The following SIK3 variants were observed in gnomAD, a reference collection of about 807,000 sequenced individuals.
SIK3 encodes the protein SIK family kinase 3.
In SIK3, 28 loss-of-function variants were observed where a neutral mutation model predicts 144.2. That is an observed-to-expected ratio of 0.19 (90% confidence interval 0.14 to 0.27). The LOEUF (loss-of-function observed/expected upper bound fraction) is 0.27. Among genes scored for constraint, SIK3 ranks in the 10% least tolerant of loss-of-function variants. The probability of loss-of-function intolerance (pLI) is 1.00; values close to 1 mark genes in which losing one functional copy is unlikely to be tolerated. For synonymous variants in SIK3, 686 were observed against 676.3 expected (o/e 1.01, Z -0.22); for missense variants, 1,319 against 1,776.0 (o/e 0.74, Z 4.62).
At chr11:116,974,036 T>C (rs946528564) in intron 1 of SIK3, among the ~76,000 whole-genome samples, 8 of 152,202 alleles carry the variant, frequency 5.3e-5, no homozygotes, top group African/African-American at 1.9e-4. Context: ...TGTACTAATA[T>C]TGGTCCATTA....
At chr11:117,024,255 T>C (rs959361273) in intron 1 of SIK3, among the ~76,000 whole-genome samples, 1 of 151,662 alleles carries the variant, frequency 6.6e-6, no homozygotes, top group African/African-American at 2.4e-5. Context: ...CTTTTGTCAG[T>C]TGATTTTCAG....
At chr11:117,083,499 T>C (rs971134144) in intron 1 of SIK3, among the ~76,000 whole-genome samples, 4 of 152,120 alleles carry the variant, frequency 2.6e-5, no homozygotes, top group Admixed American at 2.6e-4. Context: ...TTGACTAGAA[T>C]AACAATATCC....
chr11:117,083,333 G>A lies in SIK3; in HGVS notation c.273+14810C>T, dbSNP rs146172741. ...AAGTTATTTTATTCCTGAGAACTGT[G>A]AAATCCTTTAAAGAGATCCTAAAGT... On this transcript the variant is annotated intron_variant, in intron 1 of 24. Transcript: ENST00000445177. Among the ~76,000 whole-genome samples, 325 of 152,256 alleles carry A rather than the reference G, an allele frequency of 2.1e-3. 3 individuals carry two copies. Among genetic ancestry groups the A allele is most frequent in the African/African-American group, 7.3e-3 (303 of 41,542 alleles).
chr11:116,896,195 C>T, intron 6 of SIK3, 58 bp downstream of exon 6: 1 of 1,594,394 alleles, frequency 6.3e-7, no homozygotes, highest in South Asian at 1.1e-5. Context: ...CCTGGGATAA[C>T]TGAGTGGGTC....
At chr11:116,978,270 C>A (rs1950023659) in intron 1 of SIK3, among the ~76,000 whole-genome samples, 1 of 152,018 alleles carries the variant, frequency 6.6e-6, no homozygotes, top group African/African-American at 2.4e-5. Context: ...AAAAGAATCA[C>A]CTCAGGGTTC....
intron 1 of SIK3, among the ~76,000 whole-genome samples, chr11:116,960,761 G>A (rs1949314217): frequency 6.6e-6 from 1 of 152,036 alleles, no homozygotes; most frequent in African/African-American, 2.4e-5. Flanking sequence ...GCTAATACAT[G>A]CAACCTGATT....
At chr11:116,945,109 G>A (rs868473756) in intron 3 of SIK3, among the ~76,000 whole-genome samples, 1 of 151,956 alleles carries the variant, frequency 6.6e-6, no homozygotes, top group African/African-American at 2.4e-5. Context: ...ACAGGCGTCC[G>A]CCACCACACC....
Position 117,013,726 on chromosome 11 carries a change from C to T in SIK3, c.274-56662G>A, listed in dbSNP as rs372914098. On this transcript the variant is annotated intron_variant, in intron 1 of 24. Coordinates refer to ENST00000445177, the MANE Select transcript of SIK3 (RefSeq NM_001366686.3). ...AAAAAAATGCTTCCAGTGCTATCTA[C>T]TCAGACCCCTTATCAATCTGAGGAA... Among the ~76,000 whole-genome samples, 226 of 151,626 alleles carry T rather than the reference C, an allele frequency of 1.5e-3. 1 individual carries two copies. Among genetic ancestry groups the T allele is most frequent in the African/African-American group, 5.2e-3 (217 of 41,364 alleles).
At chr11:117,012,849 C>CCT in intron 1 of SIK3, among the ~76,000 whole-genome samples, 1 of 96,104 alleles carries the variant, frequency 1.0e-5, no homozygotes, top group African/African-American at 4.2e-5. Flanking sequence ...GCCATTACTG[C>CCT]TTTTTTTTTT....
chr11:116,886,025 C>T (rs567063785), intron 6 of SIK3, among the ~76,000 whole-genome samples: 1 of 152,240 alleles, frequency 6.6e-6, no homozygotes, highest in East Asian at 1.9e-4. Flanking sequence ...TTGGAATGTC[C>T]TTCTTTTATT....
chr11:116,928,854 C>T (rs754579345), intron 3 of SIK3, among the ~76,000 whole-genome samples: 4 of 152,182 alleles, frequency 2.6e-5, no homozygotes, highest in Admixed American at 1.3e-4. Flanking sequence ...TTGTTCGCCA[C>T]ACACAAGGCT....
chr11:116,948,644 CTTCTCTTT>C (rs1268949667), intron 3 of SIK3, among the ~76,000 whole-genome samples: 1 of 152,066 alleles, frequency 6.6e-6, no homozygotes, highest in Non-Finnish European at 1.5e-5. Context: ...TCATTTCAGT[CTTCTCTTT>C]TTCTCTTCTC....
At chr11:117,036,327 G>A (rs3181) in intron 1 of SIK3, among the ~76,000 whole-genome samples, 48,008 of 151,906 alleles carry the variant, frequency 0.32, 8,654 homozygotes, top group African/African-American at 0.5. Context: ...GGCAGCTAAT[G>A]GGCTCATACA....
At chr11:116,994,999 T>C (rs562281708) in intron 1 of SIK3, among the ~76,000 whole-genome samples, 2 of 152,086 alleles carry the variant, frequency 1.3e-5, no homozygotes, top group African/African-American at 4.8e-5. Flanking sequence ...CCGGGCATGG[T>C]GGCTCACGCC....
intron 3 of SIK3, among the ~76,000 whole-genome samples, chr11:116,939,909 A>G (rs1948192676): frequency 6.6e-6 from 1 of 152,232 alleles, no homozygotes. Flanking sequence ...GACATTTTTC[A>G]ACTCAATGGA....
At chr11:117,098,034 A>C in intron 1 of SIK3, 109 bp downstream of exon 1, 1 of 1,132,348 alleles carries the variant, frequency 8.8e-7, no homozygotes, top group Non-Finnish European at 1.1e-6. Context: ...CCCGGCCCCC[A>C]ACGCTCCCAC....
At position 116,858,546 on chromosome 11, in the gene SIK3, A is replaced by G; in HGVS notation, c.2919T>C (p.Leu973=). 1 of 1,613,600 alleles carries G rather than the reference A, an allele frequency of 6.2e-7. No homozygotes were observed. Among genetic ancestry groups the G allele is most frequent in the Non-Finnish European group, 8.5e-7 (1 of 1,179,854 alleles). The change falls in exon 21 of 25, where the codon CTT becomes CTC. Residue 973 remains leucine, a synonymous_variant. Coordinates refer to ENST00000445177, the MANE Select transcript of SIK3 (RefSeq NM_001366686.3). The surrounding 1 kb of genome is among the most constrained non-coding windows in gnomAD (Gnocchi z 5.4). ...SPTQALKVPP[L]DQFPTFPPSA... is the part of the protein sequence containing the mutation. ...TGGGAGGGAAGGTGGGGAATTGGTC[A>G]AGTGGAGGGACTTTCAGGGCTTGGG... is the stretch of plus-strand genomic sequence containing the variant.
chr11:116,866,234 A>G (rs1943627910), intron 15 of SIK3, among the ~76,000 whole-genome samples: 1 of 152,172 alleles, frequency 6.6e-6, no homozygotes. Flanking sequence ...TTCAACAAGG[A>G]TACCTAAAGG....
intron 1 of SIK3, among the ~76,000 whole-genome samples, chr11:117,085,933 G>A (rs145303953): frequency 0.029 from 4,372 of 152,252 alleles, 187 homozygotes; most frequent in African/African-American, 0.1. Context: ...CAGCCTGGGC[G>A]ACAGAGCAAG....
Sources: allele counts gnomAD v4.1 joint callset (sites outside exome capture counted in the v4.1 genomes callset), GRCh38; gene constraint gnomAD v4.1.1; non-coding constraint Gnocchi (gnomAD v3.1); transcripts MANE v1.5; gene names NCBI Gene and HGNC (gene_info 2026-07-23, HGNC 2026-07-21).